Variants in SPRED2 observed in about 807,000 individuals in gnomAD.
The protein encoded by SPRED2 is sprouty-related, EVH1 domain-containing protein 2.
SPRED2 carries 47 observed loss-of-function variants against 43.0 expected under a neutral mutation model. The ratio of observed to expected loss-of-function variants is 1.09; its 90% CI spans 0.87 to 1.40. The LOEUF (loss-of-function observed/expected upper bound fraction) is 1.40. SPRED2 is among the 40% of genes most tolerant of loss of function. SPRED2 has a pLI of 0.00. For missense variants in SPRED2, 561 were observed against 586.4 expected, an observed-to-expected ratio of 0.96 and a Z score of 0.45; for synonymous variants, 225 against 225.7, an observed-to-expected ratio of 1.00 and a Z score of 0.03.
downstream of SPRED2, among the ~76,000 whole-genome samples, chr2:65,310,498 C>CACACAT (rs1553413610): frequency 2.8e-4 from 41 of 145,368 alleles, no homozygotes; most frequent in Non-Finnish European, 5.6e-4. Context: ...CACACACACA[C>CACACAT]ACACACATAT....
At chr2:65,366,497 C>A (rs1403545083) in intron 1 of SPRED2, 9 of 1,329,688 alleles carry the variant, frequency 6.8e-6, no homozygotes, top group Non-Finnish European at 8.4e-6. Flanking sequence ...GATAAATTTT[C>A]TCCTTTAAAA....
At chr2:65,421,258 A>G (rs1028040655) in intron 1 of SPRED2, among the ~76,000 whole-genome samples, 3 of 152,198 alleles carry the variant, frequency 2.0e-5, no homozygotes, top group African/African-American at 4.8e-5. Flanking sequence ...ACCTGATGAT[A>G]CCTCTCAGTG....
chr2:65,351,850 C>G (rs970526206), intron 1 of SPRED2, among the ~76,000 whole-genome samples: 4 of 152,112 alleles, frequency 2.6e-5, no homozygotes, highest in African/African-American at 7.2e-5. Flanking sequence ...TGTGGGTGTT[C>G]GTCTTAAGTA....
intron 1 of SPRED2, among the ~76,000 whole-genome samples, chr2:65,349,287 C>A (rs983479719): frequency 8.7e-6 from 1 of 115,160 alleles, no homozygotes; most frequent in Non-Finnish European, 1.6e-5. Context: ...ATCAGCCTGG[C>A]GACACAGCAA....
intron 1 of SPRED2, among the ~76,000 whole-genome samples, chr2:65,429,451 C>T (rs561633052): frequency 3.3e-5 from 5 of 152,262 alleles, no homozygotes; most frequent in African/African-American, 1.2e-4. Flanking sequence ...AAAAATCTAA[C>T]CAAATATGGC....
chr2:65,361,760 C>T (rs995668421), intron 1 of SPRED2, among the ~76,000 whole-genome samples: 5 of 152,226 alleles, frequency 3.3e-5, no homozygotes, highest in African/African-American at 1.2e-4. Context: ...TTGCACATTG[C>T]AGTTCTCTGG....
intron 1 of SPRED2, among the ~76,000 whole-genome samples, chr2:65,424,356 A>G (rs1304047884): frequency 6.6e-6 from 1 of 152,202 alleles, no homozygotes; most frequent in Non-Finnish European, 1.5e-5. Flanking sequence ...ATTTTTATAC[A>G]CGGTACAATT....
At chr2:65,370,310 A>G (rs918986447) in intron 1 of SPRED2, among the ~76,000 whole-genome samples, 4 of 136,856 alleles carry the variant, frequency 2.9e-5, no homozygotes, top group African/African-American at 1.1e-4. Context: ...CAGAACACTC[A>G]TCAATTTATG....
rs1462238261 is a variant in SPRED2, at chr2:65,432,076, G to A, written c.-89C>T. The A allele has an allele frequency of 3.2e-6, 5 of 1,548,872 alleles. No homozygotes were observed. Among genetic ancestry groups the A allele is most frequent in the Non-Finnish European group, 3.5e-6 (4 of 1,128,706 alleles). On this transcript the variant is annotated 5_prime_UTR_variant, in exon 1 of 6. Coordinates refer to ENST00000356388, the MANE Select transcript of SPRED2 (RefSeq NM_181784.3). ...GCTCGCCCCCCTTCTTCACATCTCC[G>A]GAGATCGCCTGATTTGGGGAGGGGG...
Position 65,314,092 on chromosome 2 carries a change from C to T in SPRED2, c.666G>A (p.Lys222=), listed in dbSNP as rs1438326595. ...EEIVRINPRE[K]IWMTGYEDYR... ...AATCCTCGTACCCCGTCATCCAGATCTTCTCCCGGGGGTTGATGCGCACGA... is the reference window on the plus strand; with the variant it reads ...AATCCTCGTACCCCGTCATCCAGATTTTCTCCCGGGGGTTGATGCGCACGA... The change falls in exon 6 of 6, where the codon AAG becomes AAA. Residue 222 remains lysine, a synonymous_variant. Transcript: ENST00000356388. 5 of 1,613,754 alleles carry T rather than the reference C, an allele frequency of 3.1e-6. No individual in the cohort carries two copies. The African/African-American group carries it at 4.0e-5, about 13-fold the overall frequency.
chr2:65,365,512 T>A (rs577203620), intron 1 of SPRED2, among the ~76,000 whole-genome samples: 12 of 152,218 alleles, frequency 7.9e-5, no homozygotes, highest in Non-Finnish European at 1.5e-4. Context: ...GATTGCCGAT[T>A]TTTCCAGCTT....
At chr2:65,366,683 T>A (rs1357164321) in intron 1 of SPRED2, 6 of 1,540,544 alleles carry the variant, frequency 3.9e-6, no homozygotes, top group Non-Finnish European at 5.2e-6. Flanking sequence ...AAATGGATCG[T>A]CTCTTGCTGA....
intron 4 of SPRED2, among the ~76,000 whole-genome samples, chr2:65,321,947 A>AT (rs1673425834): frequency 1.3e-5 from 2 of 151,386 alleles, no homozygotes; most frequent in African/African-American, 2.4e-5. Flanking sequence ...TAATTTTTTG[A>AT]TTTTTTTAGT....
intron 1 of SPRED2, among the ~76,000 whole-genome samples, chr2:65,371,232 T>A (rs1675118941): frequency 6.6e-6 from 1 of 152,156 alleles, no homozygotes; most frequent in African/African-American, 2.4e-5. Context: ...GGGAAATGAA[T>A]CCACAGCATT....
downstream of SPRED2, chr2:65,308,684 T>C: frequency 2.0e-6 from 1 of 510,220 alleles, no homozygotes; most frequent in South Asian, 8.2e-5. Flanking sequence ...TGAGGGTAGG[T>C]ATTATCCCAC....
chr2:65,363,702 G>A (rs540448192), intron 1 of SPRED2, among the ~76,000 whole-genome samples: 11 of 152,236 alleles, frequency 7.2e-5, no homozygotes, highest in East Asian at 1.9e-4. Context: ...CCACACATCC[G>A]GACAGCAAGG....
chr2:65,328,535 A>G (rs1043167356), intron 4 of SPRED2, among the ~76,000 whole-genome samples: 5 of 152,168 alleles, frequency 3.3e-5, no homozygotes, highest in African/African-American at 1.2e-4. Context: ...GGTAGCTGTG[A>G]GGACCAAATG....
At chr2:65,329,037 T>C (rs1673729918) in intron 4 of SPRED2, among the ~76,000 whole-genome samples, 1 of 152,154 alleles carries the variant, frequency 6.6e-6, no homozygotes, top group Non-Finnish European at 1.5e-5. Flanking sequence ...AAAACCAACA[T>C]TGTCTTGGTG....
intron 1 of SPRED2, among the ~76,000 whole-genome samples, chr2:65,397,548 A>C (rs1264530596): frequency 6.6e-6 from 1 of 151,596 alleles, no homozygotes; most frequent in Non-Finnish European, 1.5e-5. Context: ...AACCCTGCCC[A>C]GCTGTGGGCA....
Sources: allele counts gnomAD v4.1 joint callset (sites outside exome capture counted in the v4.1 genomes callset), GRCh38; gene constraint gnomAD v4.1.1; transcripts MANE v1.5; gene names NCBI Gene and HGNC (gene_info 2026-07-23, HGNC 2026-07-21).